The following LRRN1 variants were observed in gnomAD, a reference collection of about 807,000 sequenced individuals.
LRRN1 encodes the protein leucine rich repeat neuronal 1.
LRRN1 carries 14 observed loss-of-function variants against 45.8 expected under a neutral mutation model. That is an observed-to-expected ratio of 0.31 (90% CI 0.20 to 0.48). The LOEUF is 0.48. LRRN1 is among the 20% of genes least tolerant of loss of function. LRRN1 has a pLI of 0.99. For missense variants in LRRN1, 789 were observed against 874.2 expected (o/e 0.90, Z 1.23); for synonymous variants, 359 against 330.1 (o/e 1.09, Z -0.95).
At chr3:3,813,483 T>C (rs1692923991) in intron 1 of LRRN1, among the ~76,000 whole-genome samples, 1 of 152,186 alleles carries the variant, frequency 6.6e-6, no homozygotes, top group Non-Finnish European at 1.5e-5. Context: ...TTCAGCAAGA[T>C]GCTGAGTTAT....
intron 1 of LRRN1, among the ~76,000 whole-genome samples, chr3:3,809,625 G>A (rs1198956967): frequency 6.6e-6 from 1 of 152,222 alleles, no homozygotes; most frequent in Non-Finnish European, 1.5e-5. Flanking sequence ...CAAGGCAGGG[G>A]AAGGAGTGGG....
At chr3:3,837,451 G>A (rs1693547099) in intron 1 of LRRN1, among the ~76,000 whole-genome samples, 1 of 151,996 alleles carries the variant, frequency 6.6e-6, no homozygotes, top group Non-Finnish European at 1.5e-5. Context: ...CTCATTTGGG[G>A]TTATTCCTGC....
chr3:3,827,269 C>A (rs1575291153), intron 1 of LRRN1: 5 of 222,056 alleles, frequency 2.3e-5, no homozygotes, highest in Non-Finnish European at 4.8e-5. Context: ...AATTTGAAAC[C>A]AAGTCTGTCT....
At chr3:3,841,259 C>A (rs1001913187) in intron 1 of LRRN1, among the ~76,000 whole-genome samples, 2 of 145,968 alleles carry the variant, frequency 1.4e-5, no homozygotes, top group Non-Finnish European at 1.5e-5. Flanking sequence ...CCACTGCACT[C>A]CAGCCTGGGC....
At chr3:3,838,614 T>G (rs1693578522) in intron 1 of LRRN1, among the ~76,000 whole-genome samples, 1 of 152,224 alleles carries the variant, frequency 6.6e-6, no homozygotes, top group Non-Finnish European at 1.5e-5. Flanking sequence ...TTGTTTTCCA[T>G]AATGGTTGCA....
chr3:3,841,105 C>G (rs1168085254), intron 1 of LRRN1, among the ~76,000 whole-genome samples: 3 of 152,052 alleles, frequency 2.0e-5, no homozygotes. Context: ...CCAGACCATC[C>G]TGGCTAATGT....
intron 1 of LRRN1, among the ~76,000 whole-genome samples, chr3:3,843,957 A>C (rs1240253309): frequency 6.6e-6 from 1 of 152,208 alleles, no homozygotes; most frequent in East Asian, 1.9e-4. Flanking sequence ...AAATACATGT[A>C]GTTTCTAAAG....
intron 1 of LRRN1, chr3:3,827,570 A>G: frequency 2.2e-6 from 1 of 448,420 alleles, no homozygotes; most frequent in Non-Finnish European, 4.5e-6. Flanking sequence ...TATTCAAGCC[A>G]TTCCTAAAAG....
At chr3:3,837,016 G>C (rs1693534739) in intron 1 of LRRN1, among the ~76,000 whole-genome samples, 1 of 152,124 alleles carries the variant, frequency 6.6e-6, no homozygotes, top group African/African-American at 2.4e-5. Context: ...CCATGGGAAG[G>C]AGGTGTGAAG....
At chr3:3,803,352 A>G (rs1397780792) in intron 1 of LRRN1, among the ~76,000 whole-genome samples, 2 of 152,246 alleles carry the variant, frequency 1.3e-5, no homozygotes, top group South Asian at 2.1e-4. Flanking sequence ...TAAGTAGGCC[A>G]TAAGTCATAA....
chr3:3,818,808 T>G (rs1693039980), intron 1 of LRRN1, among the ~76,000 whole-genome samples: 1 of 152,144 alleles, frequency 6.6e-6, no homozygotes, highest in Non-Finnish European at 1.5e-5. Context: ...GGTACCTCTG[T>G]CTCCCTATCT....
At chr3:3,800,755 T>C (rs1324202969) in intron 1 of LRRN1, 3 of 152,444 alleles carry the variant, frequency 2.0e-5, no homozygotes, top group Admixed American at 2.0e-4. Context: ...CCGTGAGCCT[T>C]GAGCCCAGAA....
chr3:3,837,775 T>C (rs991230168), intron 1 of LRRN1, among the ~76,000 whole-genome samples: 2 of 152,018 alleles, frequency 1.3e-5, no homozygotes, highest in Non-Finnish European at 2.9e-5. Context: ...ATGTGCAGGT[T>C]TGTTACATGG....
In LRRN1 at chr3:3,846,576, T is replaced by A. The variant is rs1057152941; in HGVS notation, c.1935T>A (p.Leu645=). 3 of 1,614,142 alleles carry A rather than the reference T, an allele frequency of 1.9e-6. No individual in the cohort carries two copies. Among genetic ancestry groups the A allele is most frequent in the Non-Finnish European group, 1.7e-6 (2 of 1,180,022 alleles). ...GGTCTATGTTTGCCGTCATTAGCCT[T>A]GCGTCCATTGCTGTGTACTTTGCCA... The part of the protein sequence containing the change: ...VMGSMFAVIS[L]ASIAVYFAKR... The change falls in exon 2 of 2, where the codon CTT becomes CTA. Residue 645 remains leucine (L), a synonymous_variant. Transcript: ENST00000319331. This position sits in a 1 kb window ranked among gnomAD's most constrained non-coding sequence, Gnocchi z 5.7.
rs750237648 is a variant in LRRN1, at chr3:3,845,920, T to C, written c.1279T>C (p.Ser427Pro). ...DSSEQCLPMI[S>P]HDSFPNRLNV... ...GAGTGAACAGTGCCTCCCAATGATA[T>C]CTCACGACAGCTTCCCAAATCGTTT... Residue 427 changes from serine to proline, a missense_variant, in exon 2 of 2, where the codon TCT becomes CCT. By Grantham distance (74) the Ser-to-Pro change is moderately conservative. Transcript: ENST00000319331. The surrounding 1 kb of genome is among the most constrained non-coding windows in gnomAD (Gnocchi z 6.5). 7 of 1,613,986 alleles carry C rather than the reference T, an allele frequency of 4.3e-6. No individual in the cohort carries two copies. The African/African-American group carries it at 6.7e-5, about 15-fold the overall frequency.
In LRRN1 at chr3:3,846,829, A is replaced by G. The variant is rs183853466; in HGVS notation, c.*37A>G. Reference sequence around the variant, plus strand: ...TTTTGCTTCTGGTAGTAAGGAGCACAAAGACGTTTTTGCTTTATTCTGCAA... The same window carrying G: ...TTTTGCTTCTGGTAGTAAGGAGCACGAAGACGTTTTTGCTTTATTCTGCAA... On this transcript the variant is annotated 3_prime_UTR_variant, in exon 2 of 2. Coordinates refer to ENST00000319331, the MANE Select transcript of LRRN1 (RefSeq NM_020873.7). This position sits in a 1 kb window ranked among gnomAD's most constrained non-coding sequence, Gnocchi z 5.7. 442 of 1,517,560 alleles carry G rather than the reference A, an allele frequency of 2.9e-4. No homozygotes were observed. In the African/African-American group the frequency reaches 5.6e-3, roughly 19 times the overall value. The allele number at this position is 1,517,560 out of a possible 1,614,324, so 94.0% of individuals were successfully genotyped here. A position where few individuals can be genotyped will look rare whatever the true frequency, so the allele number is the denominator to read the frequency against.
At chr3:3,805,432 G>T (rs921373721) in intron 1 of LRRN1, among the ~76,000 whole-genome samples, 1 of 152,176 alleles carries the variant, frequency 6.6e-6, no homozygotes, top group Admixed American at 6.5e-5. Flanking sequence ...TCAGGAAGGC[G>T]CAGGCTCAAT....
chr3:3,805,231 G>A (rs1033152144), intron 1 of LRRN1, among the ~76,000 whole-genome samples: 1 of 152,060 alleles, frequency 6.6e-6, no homozygotes, highest in Non-Finnish European at 1.5e-5. Flanking sequence ...TCATCCTTTA[G>A]AAAAACTAAA....
chr3:3,820,607 T>C lies in LRRN1; in HGVS notation c.-279+20688T>C, dbSNP rs114744494. On this transcript the variant is annotated intron_variant, in intron 1 of 1. Transcript: ENST00000319331. The stretch of plus-strand genomic sequence containing the variant: ...AAGGGTTTAGGTAAAAGAATTCTTA[T>C]GTATTTCCTTCTGGATTCAAATTAC... Among the ~76,000 whole-genome samples, 147 of 152,382 alleles carry C rather than the reference T, an allele frequency of 9.6e-4. 2 individuals are homozygous for C. Among genetic ancestry groups the C allele is most frequent in the African/African-American group, 2.8e-3 (118 of 41,596 alleles).
Sources: allele counts gnomAD v4.1 joint callset (sites outside exome capture counted in the v4.1 genomes callset), GRCh38; gene constraint gnomAD v4.1.1; non-coding constraint Gnocchi (gnomAD v3.1); transcripts MANE v1.5; gene names NCBI Gene and HGNC (gene_info 2026-07-23, HGNC 2026-07-21).